CADPS2: variants seen among roughly 807,000 people sequenced by gnomAD.
CADPS2 encodes calcium dependent secretion activator 2, also known as calcium-dependent secretion activator 2.
In CADPS2, 93 loss-of-function variants were observed where a neutral mutation model predicts 172.5. That is an observed-to-expected ratio of 0.54 (90% confidence interval 0.46 to 0.64). CADPS2 has a LOEUF of 0.64. Ranked by LOEUF, CADPS2 falls within the 30% of genes least tolerant of loss-of-function variation. CADPS2 has a pLI of 0.00. For synonymous variants in CADPS2, 546 were observed against 555.2 expected (o/e 0.98, Z 0.23); for missense variants, 1,420 against 1,565.9 (o/e 0.91, Z 1.57).
At position 122,407,338 on chromosome 7, in the gene CADPS2, C is replaced by A. The variant is rs533237970; in HGVS notation, c.2746+202G>T. 3.9e-5 allele frequency among the ~76,000 whole-genome samples: 6 copies of A among 152,226 alleles called. No individual in the cohort carries two copies. The South Asian group carries it at 1.0e-3, about 26-fold the overall frequency. The stretch of plus-strand genomic sequence containing the variant: ...GGTAGGAGGATGCAAATGAGAAGAC[C>A]TTCAGAGCCCACTGGAGTGTGGGAG... On this transcript the variant is annotated intron_variant, in intron 20 of 29. Transcript: ENST00000449022.
chr7:122,542,394 TGG>T (rs1423445296), intron 8 of CADPS2, among the ~76,000 whole-genome samples: 1 of 152,176 alleles, frequency 6.6e-6, no homozygotes, highest in Non-Finnish European at 1.5e-5. Flanking sequence ...GTAAGTCAAA[TGG>T]CTAAATCTTT....
intron 12 of CADPS2, among the ~76,000 whole-genome samples, chr7:122,478,183 C>T (rs2056922183): frequency 6.6e-6 from 1 of 152,126 alleles, no homozygotes; most frequent in Admixed American, 6.6e-5. Context: ...GGATTATCTT[C>T]AATTAATGTT....
chr7:122,825,005 A>G (rs1460695233), intron 1 of CADPS2, among the ~76,000 whole-genome samples: 2 of 152,222 alleles, frequency 1.3e-5, no homozygotes, highest in Non-Finnish European at 2.9e-5. Flanking sequence ...AAAAAGTAAC[A>G]GAGACATTAT....
At chr7:122,885,744 C>A (rs557979713) in intron 1 of CADPS2, among the ~76,000 whole-genome samples, 1 of 152,252 alleles carries the variant, frequency 6.6e-6, no homozygotes, top group African/African-American at 2.4e-5. Flanking sequence ...CCGGCGCTGT[C>A]GGTCTCTGTC....
chr7:122,590,593 A>T (rs2070642065), intron 6 of CADPS2, among the ~76,000 whole-genome samples: 2 of 151,888 alleles, frequency 1.3e-5, no homozygotes, highest in Admixed American at 1.3e-4. Flanking sequence ...CTTCATATAT[A>T]TTCATATATA....
intron 17 of CADPS2, among the ~76,000 whole-genome samples, chr7:122,438,080 G>GT (rs1203312780): frequency 6.6e-6 from 1 of 152,070 alleles, no homozygotes; most frequent in Non-Finnish European, 1.5e-5. Flanking sequence ...ACACCTTTTG[G>GT]TTTTTTCAAA....
intron 1 of CADPS2, among the ~76,000 whole-genome samples, chr7:122,884,780 T>C (rs761598313): frequency 6.6e-6 from 1 of 152,186 alleles, no homozygotes; most frequent in African/African-American, 2.4e-5. Context: ...AAACCACCAA[T>C]AGTTAGGGTG....
At chr7:122,361,808 T>C (rs908679387) in intron 25 of CADPS2, among the ~76,000 whole-genome samples, 10 of 152,088 alleles carry the variant, frequency 6.6e-5, no homozygotes, top group Non-Finnish European at 1.3e-4. Context: ...GCAGGGTGGC[T>C]CATGCCTGTA....
At chr7:122,386,189 A>T in intron 24 of CADPS2, 1 of 834,238 alleles carries the variant, frequency 1.2e-6, no homozygotes. Flanking sequence ...AAATCTGAAA[A>T]TAAATTTATA....
intron 2 of CADPS2, among the ~76,000 whole-genome samples, chr7:122,673,353 A>G (rs1173892667): frequency 1.3e-5 from 2 of 152,230 alleles, no homozygotes; most frequent in Non-Finnish European, 2.9e-5. Context: ...CCGTTTTGAC[A>G]GGGTGCTCAT....
Position 122,706,105 on chromosome 7 carries a change from C to T in CADPS2, c.453+30850G>A, listed in dbSNP as rs777533328. The stretch of plus-strand genomic sequence containing the variant: ...TATATTCAAGGAATATATATATATG[C>T]TTATATATTCAAGGAATATATATAT... On this transcript the variant is annotated intron_variant, in intron 2 of 29. Coordinates refer to ENST00000449022, the MANE Select transcript of CADPS2 (RefSeq NM_017954.11). 1.1e-3 allele frequency among the ~76,000 whole-genome samples: 29 copies of T among 26,574 alleles called. 2 individuals carry two copies. Among genetic ancestry groups the T allele is most frequent in the African/African-American group, 2.5e-3 (19 of 7,506 alleles). 17.4% of individuals were successfully genotyped at this position (26,574 alleles called of 152,430 possible).
intron 7 of CADPS2, among the ~76,000 whole-genome samples, chr7:122,579,359 T>G (rs988707439): frequency 4.0e-5 from 6 of 151,150 alleles, no homozygotes; most frequent in African/African-American, 1.2e-4. Context: ...GTGCTAAGGT[T>G]GGGAAACCCT....
At chr7:122,340,740 T>C (rs984129282) in intron 28 of CADPS2, among the ~76,000 whole-genome samples, 9 of 151,840 alleles carry the variant, frequency 5.9e-5, no homozygotes, top group African/African-American at 1.9e-4. Flanking sequence ...GCATTAAAAA[T>C]GGAATTGAAG....
intron 10 of CADPS2, 31 bp downstream of exon 10, chr7:122,491,281 T>A (rs1284050263): frequency 7.1e-7 from 1 of 1,414,230 alleles, no homozygotes; most frequent in Non-Finnish European, 9.9e-7. Context: ...CATACATACA[T>A]GGCAGGAAAA....
chr7:122,629,434 A>C, intron 3 of CADPS2, 106 bp from the exon 4 acceptor site: 1 of 625,520 alleles, frequency 1.6e-6, no homozygotes, highest in Non-Finnish European at 2.5e-6. Context: ...AAATGACTGA[A>C]AAATGTTTAA....
intron 2 of CADPS2, chr7:122,698,164 T>C: frequency 3.1e-6 from 5 of 1,613,956 alleles, no homozygotes; most frequent in Non-Finnish European, 4.2e-6. Context: ...GCTATCCCCA[T>C]TTGGATTTAT....
At chr7:122,534,183 T>C (rs972829673) in intron 8 of CADPS2, among the ~76,000 whole-genome samples, 1 of 152,182 alleles carries the variant, frequency 6.6e-6, no homozygotes, top group Non-Finnish European at 1.5e-5. Context: ...AAAAGCGTGA[T>C]TCTGATTTTT....
At chr7:122,466,512 G>A (rs1335625255) in intron 14 of CADPS2, among the ~76,000 whole-genome samples, 1 of 152,116 alleles carries the variant, frequency 6.6e-6, no homozygotes, top group Non-Finnish European at 1.5e-5. Context: ...ATGAGGTGAG[G>A]CACTGACTCA....
intron 9 of CADPS2, among the ~76,000 whole-genome samples, chr7:122,495,831 A>AT (rs1169683124): frequency 6.6e-6 from 1 of 151,946 alleles, no homozygotes; most frequent in African/African-American, 2.4e-5. Flanking sequence ...AAATCTTTTT[A>AT]TTTTTTGCCA....
Sources: gnomAD v4.1 joint callset for allele counts (sites outside exome capture counted in the v4.1 genomes callset) on GRCh38, gnomAD v4.1.1 for gene constraint, MANE v1.5 for transcripts, NCBI Gene and HGNC (gene_info 2026-07-23, HGNC 2026-07-21) for gene names.